Variants in NOC2L observed in about 807,000 individuals in gnomAD.
NOC2L encodes the protein nucleolar complex protein 2 homolog.
NOC2L carries 101 observed loss-of-function variants against 94.2 expected under a neutral mutation model. The ratio of observed to expected loss-of-function variants is 1.07; its 90% CI spans 0.91 to 1.26. NOC2L has a LOEUF of 1.26. Among genes scored for constraint, NOC2L ranks in the 50% most tolerant of loss-of-function variants. The pLI, the probability that NOC2L is intolerant of heterozygous loss-of-function variation, is 0.00. For missense variants in NOC2L, 1,076 were observed against 980.1 expected, an observed-to-expected ratio of 1.10 and a Z score of -1.31; for synonymous variants, 531 against 413.4, an observed-to-expected ratio of 1.28 and a Z score of -3.45.
intron 2 of NOC2L, chr1:957,708 C>T (rs533742244): frequency 1.1e-5 from 2 of 177,606 alleles, no homozygotes; most frequent in South Asian, 1.3e-4. Context: ...CCTCTCAAAC[C>T]ACCACATAGT....
intron 14 of NOC2L, among the ~76,000 whole-genome samples, chr1:947,626 C>T (rs1380545050): frequency 6.6e-6 from 1 of 152,226 alleles, no homozygotes; most frequent in Non-Finnish European, 1.5e-5. Context: ...ATAAGGAGAA[C>T]CCCCTCCTCC....
At chr1:956,319 CAT>C in intron 4 of NOC2L, 104 bp from the exon 5 acceptor site, 1 of 1,383,372 alleles carries the variant, frequency 7.2e-7, no homozygotes, top group East Asian at 2.3e-5. Context: ...CACCCTCAGA[CAT>C]AGGGCAGAGG....
chr1:952,525 A>G lies in NOC2L; in HGVS notation c.1078T>C (p.Trp360Arg), dbSNP rs764439845. The change falls in exon 10 of 19, where the codon TGG (tryptophan) becomes CGG (arginine). Residue 360 changes from tryptophan to arginine, a missense_variant. Physicochemically the swap from Trp to Arg is moderately radical, Grantham distance 101. Transcript: ENST00000327044. Reference protein sequence around the residue: ...GALPFISFMQWTLTELLALEP... With the variant: ...GALPFISFMQRTLTELLALEP... ...AGGGCCAGCAGCTCCGTCAAGGTCC[A>G]CTGCATGAAACTGATGAAGGGGAGG... 6 of 1,613,904 alleles carry G rather than the reference A, an allele frequency of 3.7e-6. No homozygotes were observed. In the Admixed American group the frequency reaches 1.0e-4, roughly 27 times the overall value.
At chr1:948,322 C>A in intron 13 of NOC2L, 90 bp from the exon 14 acceptor site, 1 of 1,195,328 alleles carries the variant, frequency 8.4e-7, no homozygotes, top group Non-Finnish European at 1.2e-6. Context: ...AGGGCAGCGC[C>A]ATCTCCAGGG....
chr1:957,596 C>G (rs868712742), intron 2 of NOC2L: 1 of 329,684 alleles, frequency 3.0e-6, no homozygotes, highest in Non-Finnish European at 5.7e-6. Context: ...GTGGCTTCAC[C>G]CTTCCAGAGG....
chr1:957,107 C>T lies in NOC2L; in HGVS notation c.346G>A (p.Val116Met), dbSNP rs1557623292. 1.2e-6 allele frequency: 2 copies of T among 1,614,014 alleles called. No homozygotes were observed. Among genetic ancestry groups the T allele is most frequent in the Admixed American group, 3.3e-5 (2 of 60,034 alleles). ...EEGPFHSLPD[V>M]LEEASEEEDG... is the part of the protein sequence containing the mutation. Reference sequence around the variant, plus strand: ...TTGGCCCACGCCCTCACCTCCAGCACATCTGGCAGGGAGTGGAACGGCCCC... The same window carrying T: ...TTGGCCCACGCCCTCACCTCCAGCATATCTGGCAGGGAGTGGAACGGCCCC... The change falls in exon 3 of 19, where the codon GTG becomes ATG. Residue 116 changes from valine (V) to methionine (M), a missense_variant. Physicochemically the swap from Val to Met is conservative, Grantham distance 21. Coordinates refer to ENST00000327044, the MANE Select transcript of NOC2L (RefSeq NM_015658.4).
Position 944,592 on chromosome 1 carries a change from C to T in NOC2L, c.*102G>A. On this transcript the variant is annotated 3_prime_UTR_variant, in exon 19 of 19. Coordinates refer to ENST00000327044, the MANE Select transcript of NOC2L (RefSeq NM_015658.4). ...AAAGCCTGTCCCGTGTCTACTGCCT[C>T]CCCCAACTGCACAGACGCCAGCCTC... 1.4e-6 allele frequency: 1 copy of T among 703,206 alleles called. No homozygotes were observed. Among genetic ancestry groups the T allele is most frequent in the South Asian group, 1.7e-5 (1 of 59,090 alleles). The allele number at this position is 703,206 out of a possible 1,614,324, so 43.6% of individuals were successfully genotyped here.
At chr1:958,578 T>A (rs1210267208) in intron 2 of NOC2L, 1 of 478,378 alleles carries the variant, frequency 2.1e-6, no homozygotes, top group Non-Finnish European at 4.1e-6. Context: ...GCAACTCGGC[T>A]CCCCTGCAAC....
At chr1:954,401 T>TTTTAA in intron 6 of NOC2L, 1 of 334,824 alleles carries the variant, frequency 3.0e-6, no homozygotes, top group Non-Finnish European at 5.4e-6. Context: ...CTAGGTCCCC[T>TTTTAA]TGATCACATC....
chr1:953,735 GC>G, intron 8 of NOC2L, 46 bp downstream of exon 8: 5 of 1,396,710 alleles, frequency 3.6e-6, no homozygotes, highest in Non-Finnish European at 4.0e-6. Context: ...TAGCCGTGTG[GC>G]CCCCCGACCC....
Position 953,807 on chromosome 1 carries a change from G to C in NOC2L, c.863C>G (p.Pro288Arg), listed in dbSNP as rs767241580. 1 of 1,612,838 alleles carries C rather than the reference G, an allele frequency of 6.2e-7. No homozygotes were observed. Among genetic ancestry groups the C allele is most frequent in the Admixed American group, 1.7e-5 (1 of 60,018 alleles). The change falls in exon 8 of 19, where the codon CCC (proline) becomes CGC (arginine). Residue 288 changes from proline to arginine, a missense_variant. Pro to Arg is a moderately radical substitution (Grantham distance 103). This residue lies in a region of NOC2L where 457 missense variants were observed against 386.0 expected (regional missense o/e 1.18). Coordinates refer to ENST00000327044, the MANE Select transcript of NOC2L (RefSeq NM_015658.4). ...SVLVPCFLTF[P>R]KQCRMLLKRM... ...CTTGAGCAGCATGCGGCACTGCTTG[G>C]GGAAGGTCAGGAAGCAGGGCACCAG...
chr1:944,258 A>C lies in NOC2L; in HGVS notation c.*436T>G. 5 of 1,457,992 alleles carry C rather than the reference A, an allele frequency of 3.4e-6. No homozygotes were observed. In the South Asian group the frequency reaches 4.9e-5, roughly 14 times the overall value. The allele number at this position is 1,457,992 out of a possible 1,614,324, so 90.3% of individuals were successfully genotyped here. A position where few individuals can be genotyped will look rare whatever the true frequency, so the allele number is the denominator to read the frequency against. On this transcript the variant is annotated 3_prime_UTR_variant, in exon 19 of 19. Transcript: ENST00000327044. Reference sequence around the variant, plus strand: ...TATTTCTTTCGGTTTCGGATGCAAAACAAAAAATTTTAAAAGAAAATGTGA... The same window carrying C: ...TATTTCTTTCGGTTTCGGATGCAAACCAAAAAATTTTAAAAGAAAATGTGA...
intron 18 of NOC2L, 93 bp from the exon 19 acceptor site, chr1:944,893 T>C: frequency 7.4e-7 from 1 of 1,349,772 alleles, no homozygotes; most frequent in South Asian, 1.3e-5. Flanking sequence ...ACGGCACTAA[T>C]TAATTTATCC....
chr1:948,321 C>G lies in NOC2L; in HGVS notation c.1558-89G>C, dbSNP rs567842767. The stretch of plus-strand genomic sequence containing the variant: ...TTCCCCTCAGGCTGTCAGGGCAGCG[C>G]CATCTCCAGGGCACGGACTGCAAGG... On this transcript the variant is annotated intron_variant, in intron 13 of 18. Transcript: ENST00000327044. 5.1e-5 allele frequency: 62 copies of G among 1,206,082 alleles called. No individual in the cohort carries two copies. In the East Asian group the frequency reaches 1.6e-3, roughly 31 times the overall value. 74.7% of individuals were successfully genotyped at this position (1,206,082 alleles called of 1,614,324 possible).
intron 6 of NOC2L, among the ~76,000 whole-genome samples, chr1:954,891 C>T (rs536026192): frequency 3.3e-5 from 5 of 152,190 alleles, no homozygotes; most frequent in Non-Finnish European, 7.4e-5. Context: ...CCAGAGCCCA[C>T]GCAGTAGGCG....
rs567106151 is a variant in NOC2L, at chr1:956,213, T to C, written c.489A>G (p.Gln163=). The C allele has an allele frequency of 3.7e-6, 6 of 1,613,248 alleles. No individual in the cohort carries two copies. In the South Asian group the frequency reaches 4.4e-5, roughly 12 times the overall value. Residue 163 remains glutamine (Q), a splice_region_variant and synonymous_variant, in exon 5 of 19, where the codon CAA becomes CAG. Transcript: ENST00000327044. ...MVERWKQAAK[Q]RLTPKLFHEV... ...CATGGAACAGCTTTGGAGTGAGGCGTTGCTGAAGGAGCAAGAGTACCAGGG... is the reference window on the plus strand; with the variant it reads ...CATGGAACAGCTTTGGAGTGAGGCGCTGCTGAAGGAGCAAGAGTACCAGGG...
chr1:954,199 C>CT lies in NOC2L; in HGVS notation c.699-118_699-117insA, dbSNP rs775631655. On this transcript the variant is annotated intron_variant, in intron 6 of 18. Coordinates refer to ENST00000327044, the MANE Select transcript of NOC2L (RefSeq NM_015658.4). ...CCTCTACGACTCTGCAGAGACCCCCCGTCTCTCCACTCAAAAAAGCTCAGG... is the reference window on the plus strand; with the variant it reads ...CCTCTACGACTCTGCAGAGACCCCCCTGTCTCTCCACTCAAAAAAGCTCAGG... 2.5e-4 allele frequency: 224 copies of CT among 902,206 alleles called. 1 individual carries two copies. In the African/African-American group the frequency reaches 3.5e-3, roughly 14 times the overall value. The allele number at this position is 902,206 out of a possible 1,614,324, so 55.9% of individuals were successfully genotyped here.
At position 957,118 on chromosome 1, in the gene NOC2L, G is replaced by A. The variant is rs1569956003; in HGVS notation, c.335C>T (p.Ser112Phe). 1.2e-6 allele frequency: 2 copies of A among 1,614,076 alleles called. No individual in the cohort carries two copies. Among genetic ancestry groups the A allele is most frequent in the Non-Finnish European group, 1.7e-6 (2 of 1,180,040 alleles). Reference sequence around the variant, plus strand: ...CCTCACCTCCAGCACATCTGGCAGGGAGTGGAACGGCCCCTCTTCCTCCTC... The same window carrying A: ...CCTCACCTCCAGCACATCTGGCAGGAAGTGGAACGGCCCCTCTTCCTCCTC... Reference protein sequence around the residue: ...SSEEEEGPFHSLPDVLEEASE... With the variant: ...SSEEEEGPFHFLPDVLEEASE... Residue 112 changes from serine to phenylalanine, a missense_variant, in exon 3 of 19, where the codon TCC becomes TTC. This residue lies in a region of NOC2L where 457 missense variants were observed against 386.0 expected (regional missense o/e 1.18). Transcript: ENST00000327044.
In NOC2L at chr1:946,011, A is replaced by G. The variant is rs1046724193; in HGVS notation, c.1917+162T>C. Among the ~76,000 whole-genome samples, 9 of 152,314 alleles carry G rather than the reference A, an allele frequency of 5.9e-5. 1 individual carries two copies. Among genetic ancestry groups the G allele is most frequent in the Admixed American group, 5.2e-4 (8 of 15,306 alleles). ...TCCCTGGAAACGCCTGGTTCTGGCC[A>G]GTTCTCCAACACCTACCCCCTCTCC... is the stretch of plus-strand genomic sequence containing the variant. On this transcript the variant is annotated intron_variant, in intron 16 of 18. Coordinates refer to ENST00000327044, the MANE Select transcript of NOC2L (RefSeq NM_015658.4).
Sources: gnomAD v4.1 joint callset for allele counts (sites outside exome capture counted in the v4.1 genomes callset) on GRCh38, gnomAD v4.1.1 for gene constraint, gnomAD v4.1.1 regional missense constraint, MANE v1.5 for transcripts, NCBI Gene and HGNC (gene_info 2026-07-23, HGNC 2026-07-21) for gene names.